YTHDC2: variants seen among roughly 807,000 people sequenced by gnomAD.
YTHDC2 encodes 3'-5' RNA helicase YTHDC2.
Under a neutral mutation model 174.9 loss-of-function variants are expected in YTHDC2, and 45 were observed. The ratio of observed to expected loss-of-function variants is 0.26; its 90% CI spans 0.20 to 0.33. YTHDC2 has a LOEUF of 0.33. Among genes scored for constraint, YTHDC2 ranks in the 10% least tolerant of loss-of-function variants. The pLI is 1.00. For missense variants in YTHDC2, 1,650 were observed against 1,723.7 expected (o/e 0.96, Z 0.76); for synonymous variants, 657 against 574.5 (o/e 1.14, Z -2.05).
intron 7 of YTHDC2, among the ~76,000 whole-genome samples, chr5:113,538,810 A>G (rs988691334): frequency 3.9e-5 from 6 of 152,064 alleles, no homozygotes; most frequent in Admixed American, 1.3e-4. Flanking sequence ...TACAATTTCT[A>G]CTTATAATAC....
intron 2 of YTHDC2, among the ~76,000 whole-genome samples, chr5:113,516,927 A>G (rs6878355): frequency 0.32 from 48,222 of 151,992 alleles, 9,448 homozygotes; most frequent in African/African-American, 0.54. Flanking sequence ...GTGCTGGAAC[A>G]GTGGTTAGAT....
chr5:113,567,586 T>C (rs1777431747), intron 22 of YTHDC2, 68 bp from the exon 23 acceptor site: 1 of 1,323,354 alleles, frequency 7.6e-7, no homozygotes, highest in African/African-American at 1.5e-5. Context: ...CTTTACATTT[T>C]AAAAGTATTT....
At chr5:113,540,822 T>C (rs1775405104) in intron 8 of YTHDC2, 146 bp from the exon 9 acceptor site, 1 of 670,794 alleles carries the variant, frequency 1.5e-6, no homozygotes, top group Non-Finnish European at 2.4e-6. Context: ...TTTTATTGAA[T>C]ATTCTTAATA....
chr5:113,541,043 A>G lies in YTHDC2; in HGVS notation c.1286A>G (p.Gln429Arg). 1.2e-6 allele frequency: 2 copies of G among 1,614,152 alleles called. No homozygotes were observed. The highest frequency in any genetic ancestry group is 1.7e-6 in the Non-Finnish European group (2 of 1,179,978). ...ENSFKPESQR[Q>R]RTVLNVTDEY... ...AGTTTCAAGCCTGAATCTCAGAGGC[A>G]GAGAACTGTTCTAAATGTGACTGAT... The change falls in exon 9 of 30, where the codon CAG (glutamine) becomes CGG (arginine). Residue 429 changes from glutamine to arginine, a missense_variant. Gln to Arg is a conservative substitution (Grantham distance 43). Transcript: ENST00000161863.
At position 113,563,879 on chromosome 5, in the gene YTHDC2, A is replaced by G. The variant is rs761044366; in HGVS notation, c.2463A>G (p.Thr821=). Residue 821 remains threonine (T), a synonymous_variant, in exon 20 of 30, where the codon ACA becomes ACG. Coordinates refer to ENST00000161863, the MANE Select transcript of YTHDC2 (RefSeq NM_022828.5). ...QMLKTIDAMD[T]WEDLTELGYH... ...CTTAGACAATAGATGCAATGGATACATGGGAAGATCTGACTGAACTTGGGT... is the reference window on the plus strand; with the variant it reads ...CTTAGACAATAGATGCAATGGATACGTGGGAAGATCTGACTGAACTTGGGT... 11 of 1,614,082 alleles carry G rather than the reference A, an allele frequency of 6.8e-6. No individual in the cohort carries two copies. Among genetic ancestry groups the G allele is most frequent in the African/African-American group, 1.3e-5 (1 of 74,954 alleles).
At chr5:113,516,253 A>G (rs922812151) in intron 2 of YTHDC2, among the ~76,000 whole-genome samples, 1 of 152,262 alleles carries the variant, frequency 6.6e-6, no homozygotes, top group African/African-American at 2.4e-5. Context: ...CAATATAATA[A>G]TAAGCTTTAG....
chr5:113,533,166 C>G, intron 5 of YTHDC2, 121 bp downstream of exon 5: 1 of 1,092,156 alleles, frequency 9.2e-7, no homozygotes, highest in Non-Finnish European at 1.3e-6. Flanking sequence ...CCAAGTAAGT[C>G]TACATCAAGA....
rs766466015 is a variant in YTHDC2 at position 113,588,104 on chromosome 5, C to G, written c.3826-2937C>G. 1.1e-4 allele frequency among the ~76,000 whole-genome samples: 16 copies of G among 151,926 alleles called. 1 individual carries two copies. The highest frequency in any genetic ancestry group is 8.8e-5 in the Non-Finnish European group (6 of 67,942). ...GTATATCTGCCCTGAATCCTATGAC[C>G]TTATTTCATTTATTAATTCTATTAG... On this transcript the variant is annotated intron_variant, in intron 26 of 29. Transcript: ENST00000161863.
At chr5:113,589,402 A>ATATATATATATATATATATATAT (rs1441251527) in intron 26 of YTHDC2, among the ~76,000 whole-genome samples, 1 of 114,246 alleles carries the variant, frequency 8.8e-6, no homozygotes, top group African/African-American at 4.0e-5. Context: ...AATTAAAAAA[A>ATATATATATATATATATATATAT]AAAAAAATAT....
intron 18 of YTHDC2, among the ~76,000 whole-genome samples, chr5:113,562,669 C>T (rs1167128505): frequency 6.6e-6 from 1 of 152,138 alleles, no homozygotes; most frequent in Non-Finnish European, 1.5e-5. Context: ...TCACAGGTAT[C>T]TACTCTCTCC....
At chr5:113,520,465 A>C (rs1266656554) in intron 2 of YTHDC2, among the ~76,000 whole-genome samples, 2 of 152,216 alleles carry the variant, frequency 1.3e-5, no homozygotes, top group African/African-American at 4.8e-5. Context: ...GGGTTTTCCC[A>C]AGAATAAAGG....
chr5:113,555,390 G>A (rs769783462), intron 16 of YTHDC2, among the ~76,000 whole-genome samples: 13 of 152,012 alleles, frequency 8.6e-5, no homozygotes, highest in African/African-American at 7.2e-5. Flanking sequence ...TATAAGTACC[G>A]AGTGACTGAA....
chr5:113,541,486 C>T (rs930444187), intron 9 of YTHDC2, among the ~76,000 whole-genome samples: 3 of 152,050 alleles, frequency 2.0e-5, no homozygotes, highest in African/African-American at 7.2e-5. Flanking sequence ...CCACTGCACC[C>T]AGCCAAGAGA....
intron 25 of YTHDC2, 63 bp downstream of exon 25, chr5:113,581,772 T>C: frequency 7.7e-7 from 1 of 1,301,486 alleles, no homozygotes. Flanking sequence ...ATTATTTATC[T>C]TAGAATCATG....
intron 7 of YTHDC2, 37 bp from the exon 8 acceptor site, chr5:113,539,037 A>T (rs748755963): frequency 2.0e-6 from 2 of 1,024,294 alleles, no homozygotes; most frequent in Non-Finnish European, 2.8e-6. Flanking sequence ...TTTCTCCAAG[A>T]TGCAAGTTGA....
chr5:113,567,781 C>G lies in YTHDC2; in HGVS notation c.3176C>G (p.Thr1059Ser), dbSNP rs538602539. 1 of 1,607,430 alleles carries G rather than the reference C, an allele frequency of 6.2e-7. No individual in the cohort carries two copies. Among genetic ancestry groups the G allele is most frequent in the Non-Finnish European group, 8.5e-7 (1 of 1,176,696 alleles). ...IRCCSAVTPVTILVFCGPARL... is the reference protein window; with the variant it reads ...IRCCSAVTPVSILVFCGPARL... ...TGTTGTTCAGCAGTGACGCCTGTCA[C>G]TATATTGGTATTCTGTGGACCAGCT... is the stretch of plus-strand genomic sequence containing the variant. Residue 1059 changes from threonine to serine, a missense_variant, in exon 23 of 30, where the codon ACT (threonine) becomes AGT (serine). Physicochemically the swap from Thr to Ser is moderately conservative, Grantham distance 58 (BLOSUM62 1). This residue lies in a region of YTHDC2 where 913 missense variants were observed against 940.4 expected (regional missense o/e 0.97). Coordinates refer to ENST00000161863, the MANE Select transcript of YTHDC2 (RefSeq NM_022828.5).
intron 3 of YTHDC2, among the ~76,000 whole-genome samples, chr5:113,525,810 T>G (rs1348426631): frequency 6.6e-6 from 1 of 152,126 alleles, no homozygotes; most frequent in African/African-American, 2.4e-5. Flanking sequence ...TTGCCTATAG[T>G]GATAAAATTT....
intron 12 of YTHDC2, among the ~76,000 whole-genome samples, chr5:113,550,117 G>GA (rs5870546): frequency 0.53 from 79,305 of 148,630 alleles, 24,070 homozygotes; most frequent in East Asian, 0.76. Context: ...AATTGGGGGA[G>GA]AAAAAAAAAA....
chr5:113,586,207 G>A (rs1436023241), intron 26 of YTHDC2, among the ~76,000 whole-genome samples: 2 of 151,938 alleles, frequency 1.3e-5, no homozygotes, highest in Non-Finnish European at 2.9e-5. Context: ...TTCCAGTTGG[G>A]TATGTGGTAA....
Sources: allele counts gnomAD v4.1 joint callset (sites outside exome capture counted in the v4.1 genomes callset), GRCh38; gene constraint gnomAD v4.1.1; regional missense constraint gnomAD v4.1.1; transcripts MANE v1.5; gene names NCBI Gene and HGNC (gene_info 2026-07-23, HGNC 2026-07-21).